The following NFIB variants were observed in gnomAD, a reference collection of about 807,000 sequenced individuals.
NFIB encodes nuclear factor I B, also known as nuclear factor 1 B-type.
In NFIB, 11 loss-of-function variants were observed where a neutral mutation model predicts 61.5. That is an observed-to-expected ratio of 0.18 (90% CI 0.11 to 0.30). The LOEUF is 0.30. Among genes scored for constraint, NFIB ranks in the 10% least tolerant of loss-of-function variants. The pLI, the probability that NFIB is intolerant of heterozygous loss-of-function variation, is 1.00. For synonymous variants in NFIB, 260 were observed against 216.5 expected (o/e 1.20, Z -1.76); for missense variants, 471 against 608.9 (o/e 0.77, Z 2.38).
intron 2 of NFIB, among the ~76,000 whole-genome samples, chr9:14,244,633 A>G (rs968519597): frequency 6.6e-6 from 1 of 152,206 alleles, no homozygotes; most frequent in Non-Finnish European, 1.5e-5. Flanking sequence ...CCCAGTTCCA[A>G]TACTTATTAG....
upstream of NFIB, among the ~76,000 whole-genome samples, chr9:14,403,184 C>T (rs556209631): frequency 3.7e-4 from 57 of 152,320 alleles, no homozygotes; most frequent in Middle Eastern, 3.4e-3. Context: ...CCTGGCTCTG[C>T]ACTCTTAAAA....
chr9:14,337,073 AC>A (rs2060894254), intron 1 of NFIB, among the ~76,000 whole-genome samples: 1 of 152,106 alleles, frequency 6.6e-6, no homozygotes, highest in Non-Finnish European at 1.5e-5. Context: ...GAATGTAAAA[AC>A]CATTCGTAGC....
At chr9:14,165,180 T>C (rs2044643047) in intron 3 of NFIB, among the ~76,000 whole-genome samples, 1 of 152,186 alleles carries the variant, frequency 6.6e-6, no homozygotes. Flanking sequence ...GGATTTTATG[T>C]ATCCTTTATC....
At chr9:14,461,122 A>G in the NFIB span, among the ~76,000 whole-genome samples, 1 of 152,024 alleles carries the variant, frequency 6.6e-6, no homozygotes, top group South Asian at 2.1e-4. Flanking sequence ...AGCATCCCAC[A>G]CTGTTCTCTG....
intron 2 of NFIB, among the ~76,000 whole-genome samples, chr9:14,291,248 G>A (rs1383858343): frequency 6.6e-6 from 1 of 152,074 alleles, no homozygotes; most frequent in Non-Finnish European, 1.5e-5. Context: ...CTTTTGGGAG[G>A]CTGAGGTGGG....
chr9:14,123,649 G>GGC (rs2039238776), intron 7 of NFIB, among the ~76,000 whole-genome samples: 2 of 152,194 alleles, frequency 1.3e-5, no homozygotes, highest in Admixed American at 6.5e-5. Context: ...GTTGCCTGCT[G>GGC]CAATGGCCTC....
intron 2 of NFIB, among the ~76,000 whole-genome samples, chr9:14,295,386 G>A (rs1188427323): frequency 6.6e-6 from 1 of 152,102 alleles, no homozygotes; most frequent in African/African-American, 2.4e-5. Flanking sequence ...AGCACTTTGG[G>A]AGGCCCAAGG....
chr9:14,348,330 C>T (rs567859995), intron 1 of NFIB, among the ~76,000 whole-genome samples: 1 of 109,594 alleles, frequency 9.1e-6, no homozygotes, highest in Non-Finnish European at 1.8e-5. Flanking sequence ...GTAGTAACTA[C>T]CGGGGGTGAA....
At chr9:14,506,388 T>C in the NFIB span, among the ~76,000 whole-genome samples, 2 of 152,144 alleles carry the variant, frequency 1.3e-5, no homozygotes, top group African/African-American at 2.4e-5. Context: ...GCTTGAACTT[T>C]TAGAGAGGAA....
chr9:14,427,934 GTTGTTTTTTT>G, the NFIB span, among the ~76,000 whole-genome samples: 11 of 25,946 alleles, frequency 4.2e-4, no homozygotes, highest in Non-Finnish European at 6.7e-4. Context: ...CTTTAATTCA[GTTGTTTTTTT>G]TTTTTTTTTT....
chr9:14,440,649 GA>G, the NFIB span, among the ~76,000 whole-genome samples: 2 of 152,172 alleles, frequency 1.3e-5, no homozygotes, highest in Non-Finnish European at 1.5e-5. Flanking sequence ...AAAAATACAT[GA>G]AAATACTATT....
At chr9:14,168,173 A>G (rs1381882252) in intron 3 of NFIB, among the ~76,000 whole-genome samples, 1 of 152,174 alleles carries the variant, frequency 6.6e-6, no homozygotes, top group Non-Finnish European at 1.5e-5. Flanking sequence ...GATCCCACAC[A>G]CTGCAAGAAC....
intron 2 of NFIB, among the ~76,000 whole-genome samples, chr9:14,284,925 G>A (rs1158139158): frequency 6.6e-6 from 1 of 152,082 alleles, no homozygotes; most frequent in Non-Finnish European, 1.5e-5. Context: ...TTTGCCCTAT[G>A]TAGCCTTTGT....
chr9:14,426,465 ATTG>A, the NFIB span, among the ~76,000 whole-genome samples: 1 of 152,144 alleles, frequency 6.6e-6, no homozygotes, highest in Non-Finnish European at 1.5e-5. Context: ...CTTCGCTTTC[ATTG>A]TTGTATCTTC....
At chr9:14,429,301 A>G in the NFIB span, among the ~76,000 whole-genome samples, 2 of 152,224 alleles carry the variant, frequency 1.3e-5, no homozygotes, top group African/African-American at 4.8e-5. Context: ...CCTAATTCAC[A>G]TAATCTCTCC....
At chr9:14,508,735 T>C in the NFIB span, among the ~76,000 whole-genome samples, 1 of 152,236 alleles carries the variant, frequency 6.6e-6, no homozygotes. Context: ...GTTTTACACA[T>C]TTCCTTGGAC....
At chr9:14,350,819 C>A (rs2061099872) in intron 1 of NFIB, among the ~76,000 whole-genome samples, 1 of 152,196 alleles carries the variant, frequency 6.6e-6, no homozygotes, top group African/African-American at 2.4e-5. Context: ...GGCCTCCCAT[C>A]TGCTTCCAAC....
intron 1 of NFIB, among the ~76,000 whole-genome samples, chr9:14,332,723 C>A (rs145586438): frequency 6.6e-6 from 1 of 152,286 alleles, no homozygotes; most frequent in East Asian, 1.9e-4. Flanking sequence ...ACTTATCAGG[C>A]AACAAGTGAA....
At chr9:14,246,016 T>C (rs2054883721) in intron 2 of NFIB, among the ~76,000 whole-genome samples, 1 of 151,834 alleles carries the variant, frequency 6.6e-6, no homozygotes, top group Admixed American at 6.6e-5. Flanking sequence ...TGAACAGGAA[T>C]GTGTGGTTGC....
Sources: allele counts gnomAD v4.1 joint callset (sites outside exome capture counted in the v4.1 genomes callset), GRCh38; gene constraint gnomAD v4.1.1; transcripts MANE v1.5; gene names NCBI Gene and HGNC (gene_info 2026-07-23, HGNC 2026-07-21).